The following NSD1 variants were observed in gnomAD, a reference collection of about 807,000 sequenced individuals.
NSD1 encodes histone-lysine N-methyltransferase, H3 lysine-36 specific.
In NSD1, 26 loss-of-function variants were observed where a neutral mutation model predicts 242.7. The ratio of observed to expected loss-of-function variants is 0.11; its 90% CI spans 0.08 to 0.15. The LOEUF (loss-of-function observed/expected upper bound fraction) is 0.15. Among genes scored for constraint, NSD1 ranks in the 10% least tolerant of loss-of-function variants. The probability of loss-of-function intolerance (pLI) is 1.00; values close to 1 mark genes in which losing one functional copy is unlikely to be tolerated. For missense variants in NSD1, 2,495 were observed against 3,272.8 expected (o/e 0.76, Z 5.80); for synonymous variants, 1,106 against 1,178.1 (o/e 0.94, Z 1.25).
At chr5:177,149,256 T>A (rs1400621313) in intron 2 of NSD1, among the ~76,000 whole-genome samples, 1 of 152,038 alleles carries the variant, frequency 6.6e-6, no homozygotes, top group Non-Finnish European at 1.5e-5. Context: ...GTTGCTCTTG[T>A]TGCCCAGACT....
intron 2 of NSD1, among the ~76,000 whole-genome samples, chr5:177,186,016 TTA>T (rs1178459855): frequency 2.9e-5 from 3 of 102,432 alleles, no homozygotes; most frequent in Non-Finnish European, 5.4e-5. Context: ...ATATTATATA[TTA>T]TATATTATAT....
Position 177,170,412 on chromosome 5 carries a change from G to C in NSD1, c.928-21472G>C, listed in dbSNP as rs944497365. On this transcript the variant is annotated intron_variant, in intron 2 of 22. Transcript: ENST00000439151. ...GTCGCCCAGGCTGGAGTGCAGTGGCGTGATCTCGGCTCACTGCAACCTCCG... is the reference window on the plus strand; with the variant it reads ...GTCGCCCAGGCTGGAGTGCAGTGGCCTGATCTCGGCTCACTGCAACCTCCG... Among the ~76,000 whole-genome samples, 3 of 150,946 alleles carry C rather than the reference G, an allele frequency of 2.0e-5. No individual in the cohort carries two copies. In the South Asian group the frequency reaches 6.3e-4, roughly 31 times the overall value.
In NSD1 at chr5:177,296,410, AAC is replaced by A. The variant is rs1428628986; in HGVS notation, c.*954_*955del. 1 of 233,138 alleles carries A rather than the reference AAC, an allele frequency of 4.3e-6. No individual in the cohort carries two copies. Among genetic ancestry groups the A allele is most frequent in the Admixed American group, 5.6e-5 (1 of 17,776 alleles). 14.4% of individuals were successfully genotyped at this position (233,138 alleles called of 1,614,324 possible). On this transcript the variant is annotated 3_prime_UTR_variant, in exon 23 of 23. Transcript: ENST00000439151. ...ATCCACCCCATCCCTATTTCCCTAAAACACTCAGGTGCTTTCAGATTTCAGAG... is the reference window on the plus strand; with the variant it reads ...ATCCACCCCATCCCTATTTCCCTAAAACTCAGGTGCTTTCAGATTTCAGAG...
chr5:177,295,330 C>T lies in NSD1; in HGVS notation c.7962C>T (p.Ser2654=). The T allele has an allele frequency of 1.2e-6, 2 of 1,613,910 alleles. No individual in the cohort carries two copies. Among genetic ancestry groups the T allele is most frequent in the Non-Finnish European group, 1.7e-6 (2 of 1,180,020 alleles). ...TLAQSCWSAG[S]TQTLAQTCWS... ...CACAGTCTTGCTGGTCTGCTGGGAG[C>T]ACACAGACATTGGCACAGACTTGCT... is the stretch of plus-strand genomic sequence containing the variant. The change falls in exon 23 of 23, where the codon AGC becomes AGT. Residue 2654 remains serine (S), a synonymous_variant. Coordinates refer to ENST00000439151, the MANE Select transcript of NSD1 (RefSeq NM_022455.5). The surrounding 1 kb of genome is among the most constrained non-coding windows in gnomAD (Gnocchi z 4.3).
chr5:177,208,918 A>G (rs2149841460), intron 4 of NSD1, among the ~76,000 whole-genome samples: 1 of 149,820 alleles, frequency 6.7e-6, no homozygotes, highest in African/African-American at 2.5e-5. Context: ...GTTGTCTTGA[A>G]CTCCTGACCT....
intron 1 of NSD1, 58 bp from the exon 2 acceptor site, chr5:177,135,029 A>G: frequency 1.4e-6 from 2 of 1,468,644 alleles, no homozygotes; most frequent in Non-Finnish European, 1.9e-6. Flanking sequence ...TGCCATTTTA[A>G]AGAGTCGAGT....
At chr5:177,273,116 CA>C (rs1289487432) in intron 16 of NSD1, among the ~76,000 whole-genome samples, 2 of 152,034 alleles carry the variant, frequency 1.3e-5, no homozygotes, top group African/African-American at 4.8e-5. Context: ...GGCTTAAAGG[CA>C]GTGACTTTGC....
At chr5:177,221,051 T>C (rs1300951273) in intron 5 of NSD1, 2 of 455,430 alleles carry the variant, frequency 4.4e-6, no homozygotes, top group African/African-American at 4.0e-5. Context: ...TTTTTCATTT[T>C]TAATAGATAC....
chr5:177,248,778 T>G (rs367599028), intron 11 of NSD1, among the ~76,000 whole-genome samples: 1 of 152,226 alleles, frequency 6.6e-6, no homozygotes, highest in African/African-American at 2.4e-5. Context: ...GTATTTACTA[T>G]GTATGAAGTA....
rs1308632638 is a variant in NSD1, at chr5:177,134,428, G to T, written c.-18+476G>T. On this transcript the variant is annotated intron_variant, in intron 1 of 22. Coordinates refer to ENST00000439151, the MANE Select transcript of NSD1 (RefSeq NM_022455.5). The surrounding 1 kb of genome is among the most constrained non-coding windows in gnomAD (Gnocchi z 4.2). ...TGTTTTTCGAGCTGTAGCAGCTGCT[G>T]CTACCCTGACTGGGCTTCGCTGGCC... Among the ~76,000 whole-genome samples, 1 of 152,196 alleles carries T rather than the reference G, an allele frequency of 6.6e-6. No individual in the cohort carries two copies. Among genetic ancestry groups the T allele is most frequent in the Non-Finnish European group, 1.5e-5 (1 of 68,020 alleles).
At chr5:177,237,626 C>T (rs1309846202) in intron 6 of NSD1, among the ~76,000 whole-genome samples, 1 of 149,590 alleles carries the variant, frequency 6.7e-6, no homozygotes, top group African/African-American at 2.5e-5. Flanking sequence ...TCTGCCTCTC[C>T]TGTTCACACC....
chr5:177,279,842 T>C (rs1758712676), intron 17 of NSD1, among the ~76,000 whole-genome samples: 2 of 150,012 alleles, frequency 1.3e-5, no homozygotes, highest in African/African-American at 2.4e-5. Flanking sequence ...TGGTCTTGAT[T>C]TCCTGACCTC....
chr5:177,287,915 A>G (rs1305406012), intron 20 of NSD1, among the ~76,000 whole-genome samples: 1 of 152,246 alleles, frequency 6.6e-6, no homozygotes, highest in Non-Finnish European at 1.5e-5. Flanking sequence ...ATGAAAAACT[A>G]TGTATAGCAG....
chr5:177,289,001 A>G (rs567675662), intron 21 of NSD1, 76 bp downstream of exon 21: 6 of 1,019,382 alleles, frequency 5.9e-6, no homozygotes, highest in South Asian at 5.1e-5. Context: ...GGCAGTCTAC[A>G]TTTTAAGAAG....
chr5:177,229,326 A>G (rs952649558), intron 5 of NSD1, among the ~76,000 whole-genome samples: 1 of 152,218 alleles, frequency 6.6e-6, no homozygotes, highest in Admixed American at 6.5e-5. Flanking sequence ...TTGTAGTTGT[A>G]TAGTAGGCAT....
chr5:177,140,650 C>A (rs1208708697), intron 2 of NSD1, among the ~76,000 whole-genome samples: 2 of 151,882 alleles, frequency 1.3e-5, no homozygotes, highest in African/African-American at 2.4e-5. Flanking sequence ...CACTGCACTC[C>A]AACCTAGGCA....
chr5:177,285,328 C>G (rs1286664634), intron 20 of NSD1, among the ~76,000 whole-genome samples: 2 of 151,922 alleles, frequency 1.3e-5, no homozygotes, highest in African/African-American at 4.8e-5. Context: ...CTTTGGGAGG[C>G]CAACACGGGC....
chr5:177,134,353 G>T lies in NSD1; in HGVS notation c.-18+401G>T, dbSNP rs1756119081. ...TCGGCTGGGAGGTGCTGCCGCGGCT[G>T]CGGGAAGGAGCGCGGCCCGGGCAGG... On this transcript the variant is annotated intron_variant, in intron 1 of 22. Coordinates refer to ENST00000439151, the MANE Select transcript of NSD1 (RefSeq NM_022455.5). The surrounding 1 kb of genome is among the most constrained non-coding windows in gnomAD (Gnocchi z 4.2). The T allele has an allele frequency of 1.3e-5, 2 of 152,672 alleles. No homozygotes were observed. The highest frequency in any genetic ancestry group is 1.9e-4 in the South Asian group (1 of 5,372). The allele number at this position is 152,672 out of a possible 1,614,324, so 9.5% of individuals were successfully genotyped here. A position where few individuals can be genotyped will look rare whatever the true frequency, so the allele number is the denominator to read the frequency against.
At chr5:177,220,004 T>C (rs183651991) in intron 5 of NSD1, among the ~76,000 whole-genome samples, 1 of 152,312 alleles carries the variant, frequency 6.6e-6, no homozygotes, top group African/African-American at 2.4e-5. Flanking sequence ...GAATATTCTA[T>C]GTGCTTTTGA....
Sources: gnomAD v4.1 joint callset for allele counts (sites outside exome capture counted in the v4.1 genomes callset) on GRCh38, gnomAD v4.1.1 for gene constraint, Gnocchi (gnomAD v3.1) non-coding constraint, MANE v1.5 for transcripts, NCBI Gene and HGNC (gene_info 2026-07-23, HGNC 2026-07-21) for gene names.